Variants in CCDC192 observed in about 807,000 individuals in gnomAD.
The protein encoded by CCDC192 is coiled-coil domain-containing protein 192.
chr5:127,837,904 C>G (rs1463457926), intron 5 of CCDC192, among the ~76,000 whole-genome samples: 1 of 152,180 alleles, frequency 6.6e-6, no homozygotes, highest in African/African-American at 2.4e-5. Flanking sequence ...AAGGGAATTG[C>G]TTGAACCCAG....
At chr5:127,812,929 A>G (rs1364346091) in intron 5 of CCDC192, among the ~76,000 whole-genome samples, 2 of 151,988 alleles carry the variant, frequency 1.3e-5, no homozygotes, top group Non-Finnish European at 2.9e-5. Context: ...ATGCCCTCCT[A>G]CCTGTTTATC....
intron 6 of CCDC192, among the ~76,000 whole-genome samples, chr5:127,886,254 G>A (rs570336789): frequency 5.9e-5 from 9 of 152,222 alleles, no homozygotes; most frequent in Non-Finnish European, 8.8e-5. Context: ...GACATGTTCC[G>A]GGGCTACTTT....
chr5:127,753,972 GAATA>G (rs2126873212), intron 2 of CCDC192, among the ~76,000 whole-genome samples: 1 of 152,298 alleles, frequency 6.6e-6, no homozygotes, highest in African/African-American at 2.4e-5. Flanking sequence ...TTTGGAGTAA[GAATA>G]AAAGTTTCAA....
At chr5:127,880,321 A>G (rs1179628052) in intron 6 of CCDC192, among the ~76,000 whole-genome samples, 1 of 151,996 alleles carries the variant, frequency 6.6e-6, no homozygotes, top group Admixed American at 6.6e-5. Context: ...ATGAAATTGG[A>G]AACCATCATT....
At chr5:127,905,393 A>G (rs923694481) in intron 6 of CCDC192, among the ~76,000 whole-genome samples, 3 of 152,212 alleles carry the variant, frequency 2.0e-5, no homozygotes, top group Admixed American at 6.5e-5. Context: ...TTAAGTGACT[A>G]TTCCCTTTAT....
chr5:127,763,496 A>G (rs1239848055), intron 3 of CCDC192, among the ~76,000 whole-genome samples: 2 of 152,110 alleles, frequency 1.3e-5, no homozygotes, highest in African/African-American at 2.4e-5. Flanking sequence ...CCCTTGTTTA[A>G]TGACTCCTCA....
chr5:127,897,196 A>G (rs926891206), intron 6 of CCDC192, among the ~76,000 whole-genome samples: 2 of 152,138 alleles, frequency 1.3e-5, no homozygotes, highest in South Asian at 2.1e-4. Context: ...AACGAACTAG[A>G]TATTATATCC....
At chr5:127,741,747 T>C (rs1357694783) in intron 2 of CCDC192, among the ~76,000 whole-genome samples, 2 of 152,226 alleles carry the variant, frequency 1.3e-5, no homozygotes, top group East Asian at 3.8e-4. Flanking sequence ...GATATCCATC[T>C]TTTGCAAGGT....
intron 2 of CCDC192, among the ~76,000 whole-genome samples, chr5:127,752,075 T>G (rs1244514614): frequency 6.6e-6 from 1 of 152,194 alleles, no homozygotes; most frequent in East Asian, 1.9e-4. Context: ...CTCCCGTAGC[T>G]CAGAGTAATT....
chr5:127,915,521 AC>A (rs1753495527), intron 6 of CCDC192, among the ~76,000 whole-genome samples: 1 of 152,192 alleles, frequency 6.6e-6, no homozygotes, highest in African/African-American at 2.4e-5. Flanking sequence ...AGCTGGGACT[AC>A]AGGCACGCAC....
chr5:127,702,442 T>C (rs549268705), upstream of CCDC192, among the ~76,000 whole-genome samples: 136 of 152,320 alleles, frequency 8.9e-4, 2 homozygotes, highest in South Asian at 3.3e-3. Context: ...ATTTTATTCA[T>C]AGGGTTTTTT....
rs116051858 is a variant in CCDC192, at chr5:127,704,795, C to T, written c.62+1288C>T. On this transcript the variant is annotated intron_variant, in intron 1 of 6. Coordinates refer to ENST00000514853, the MANE Select transcript of CCDC192 (RefSeq NM_001317938.2). ...ATATCTCCCCAGTAAGCCTAGATCGCGACACTGCACTCCAGCCTGGGCGAC... is the reference window on the plus strand; with the variant it reads ...ATATCTCCCCAGTAAGCCTAGATCGTGACACTGCACTCCAGCCTGGGCGAC... Among the ~76,000 whole-genome samples, 1,021 of 151,666 alleles carry T rather than the reference C, an allele frequency of 6.7e-3. 8 individuals carry two copies. The highest frequency in any genetic ancestry group is 0.023 in the African/African-American group (957 of 41,356).
chr5:127,840,139 A>G (rs988087266), intron 5 of CCDC192, among the ~76,000 whole-genome samples: 1 of 152,214 alleles, frequency 6.6e-6, no homozygotes, highest in Non-Finnish European at 1.5e-5. Context: ...CTGAAGCCAG[A>G]GTCCCCTACC....
chr5:127,930,500 C>G (rs745542891), intron 6 of CCDC192, among the ~76,000 whole-genome samples: 28 of 152,316 alleles, frequency 1.8e-4, no homozygotes, highest in Admixed American at 3.3e-4. Flanking sequence ...CTCTTCAAAG[C>G]CAGAGTTGTG....
intron 2 of CCDC192, among the ~76,000 whole-genome samples, chr5:127,716,098 G>A (rs1241458141): frequency 4.6e-5 from 7 of 152,108 alleles, no homozygotes; most frequent in Non-Finnish European, 1.0e-4. Context: ...TTATCATGAA[G>A]GGATGTTGCA....
chr5:127,776,540 C>T (rs1298359832), intron 3 of CCDC192, among the ~76,000 whole-genome samples: 2 of 152,166 alleles, frequency 1.3e-5, no homozygotes, highest in African/African-American at 4.8e-5. Flanking sequence ...TTCAATCAGG[C>T]TGTAGAAATT....
chr5:127,775,251 A>G (rs1205133584), intron 3 of CCDC192, among the ~76,000 whole-genome samples: 1 of 152,004 alleles, frequency 6.6e-6, no homozygotes, highest in African/African-American at 2.4e-5. Flanking sequence ...TACCTCCTCT[A>G]TTGGGTTCTC....
chr5:127,741,501 C>T (rs966603625), intron 2 of CCDC192, among the ~76,000 whole-genome samples: 1 of 152,090 alleles, frequency 6.6e-6, no homozygotes, highest in Non-Finnish European at 1.5e-5. Context: ...AAATTATGTG[C>T]AGGTGTGCTT....
intron 3 of CCDC192, among the ~76,000 whole-genome samples, chr5:127,759,612 CA>C (rs1754799597): frequency 6.6e-6 from 1 of 152,164 alleles, no homozygotes; most frequent in Non-Finnish European, 1.5e-5. Context: ...TATAGCAGCC[CA>C]AATGAACTAA....
Sources: gnomAD v4.1 joint callset for allele counts (sites outside exome capture counted in the v4.1 genomes callset) on GRCh38, gnomAD v4.1.1 for gene constraint, MANE v1.5 for transcripts, NCBI Gene and HGNC (gene_info 2026-07-23, HGNC 2026-07-21) for gene names.